Variants in KCNJ3 observed in about 807,000 individuals in gnomAD.
KCNJ3 encodes potassium inwardly rectifying channel subfamily J member 3, also known as G protein-activated inward rectifier potassium channel 1.
Under a neutral mutation model 39.2 loss-of-function variants are expected in KCNJ3, and 4 were observed. The ratio of observed to expected loss-of-function variants is 0.10; its 90% CI spans 0.05 to 0.23. The LOEUF is 0.23. KCNJ3 is among the 10% of genes least tolerant of loss of function. The pLI, the probability that KCNJ3 is intolerant of heterozygous loss-of-function variation, is 1.00. For synonymous variants in KCNJ3, 230 were observed against 237.4 expected, an observed-to-expected ratio of 0.97 and a Z score of 0.29; for missense variants, 276 against 634.9, an observed-to-expected ratio of 0.43 and a Z score of 6.08.
intron 1 of KCNJ3, among the ~76,000 whole-genome samples, chr2:154,705,507 T>C (rs1053400235): frequency 6.6e-5 from 10 of 152,166 alleles, no homozygotes; most frequent in Non-Finnish European, 8.8e-5. Flanking sequence ...GATTATCTTA[T>C]AGGCCTCTTT....
chr2:154,807,318 C>G (rs1294712047), intron 2 of KCNJ3, among the ~76,000 whole-genome samples: 1 of 152,134 alleles, frequency 6.6e-6, no homozygotes, highest in African/African-American at 2.4e-5. Context: ...CTAGCATTCA[C>G]AGAAATAGTA....
chr2:154,841,428 A>T (rs567199028), intron 2 of KCNJ3, among the ~76,000 whole-genome samples: 3 of 152,220 alleles, frequency 2.0e-5, no homozygotes, highest in Non-Finnish European at 4.4e-5. Flanking sequence ...CTTTGGTATC[A>T]GGATGATGTT....
At chr2:154,824,847 G>T (rs1056185840) in intron 2 of KCNJ3, among the ~76,000 whole-genome samples, 2 of 152,138 alleles carry the variant, frequency 1.3e-5, no homozygotes, top group East Asian at 3.9e-4. Flanking sequence ...AACTTACCTT[G>T]CAGGGGTGCA....
In KCNJ3 at chr2:154,726,830, CA is replaced by C. The variant is rs1558857546; in HGVS notation, c.919+17012del. Among the ~76,000 whole-genome samples the C allele has an allele frequency of 6.1e-3, 878 of 143,816 alleles. 3 individuals are homozygous for C. Among genetic ancestry groups the C allele is most frequent in the Middle Eastern group, 0.022 (6 of 272 alleles). 94.3% of individuals were successfully genotyped at this position (143,816 alleles called of 152,430 possible). On this transcript the variant is annotated intron_variant, in intron 2 of 2. Coordinates refer to ENST00000295101, the MANE Select transcript of KCNJ3 (RefSeq NM_002239.4). Reference sequence around the variant, plus strand: ...ACACACACACACACACACACACACACACACATACACCATGGAATACTACTCA... The same window carrying C: ...ACACACACACACACACACACACACACCACATACACCATGGAATACTACTCA...
intron 2 of KCNJ3, among the ~76,000 whole-genome samples, chr2:154,755,664 T>C (rs1351929805): frequency 6.6e-6 from 1 of 151,642 alleles, no homozygotes; most frequent in Non-Finnish European, 1.5e-5. Flanking sequence ...CTTATTCACA[T>C]TGTTTTTACA....
chr2:154,833,448 T>TC (rs1171531532), intron 2 of KCNJ3, among the ~76,000 whole-genome samples: 1 of 152,116 alleles, frequency 6.6e-6, no homozygotes, highest in Non-Finnish European at 1.5e-5. Flanking sequence ...CCATGCATGT[T>TC]CCCCCCAGCC....
chr2:154,741,210 T>G (rs2105174943), intron 2 of KCNJ3, among the ~76,000 whole-genome samples: 1 of 152,038 alleles, frequency 6.6e-6, no homozygotes, highest in Middle Eastern at 3.4e-3. Flanking sequence ...TAAGAAAGAT[T>G]AAGTAACTTA....
intron 2 of KCNJ3, among the ~76,000 whole-genome samples, chr2:154,844,623 G>A (rs1038583742): frequency 1.1e-4 from 17 of 152,282 alleles, no homozygotes; most frequent in South Asian, 4.1e-4. Context: ...CTTCCCGGTC[G>A]CTTTGTTTAT....
intron 2 of KCNJ3, among the ~76,000 whole-genome samples, chr2:154,830,557 G>T (rs1687345485): frequency 6.6e-6 from 1 of 152,128 alleles, no homozygotes; most frequent in African/African-American, 2.4e-5. Flanking sequence ...AGTTGGCTGA[G>T]ACCCAGCCAG....
At chr2:154,739,789 A>G (rs1209089078) in intron 2 of KCNJ3, among the ~76,000 whole-genome samples, 1 of 152,048 alleles carries the variant, frequency 6.6e-6, no homozygotes, top group African/African-American at 2.4e-5. Flanking sequence ...ACAGAAGAGT[A>G]CTCAGGCTAA....
intron 2 of KCNJ3, among the ~76,000 whole-genome samples, chr2:154,809,894 AT>A (rs1686978345): frequency 6.8e-6 from 1 of 146,746 alleles, no homozygotes; most frequent in Non-Finnish European, 1.5e-5. Flanking sequence ...AATATTATAT[AT>A]ATATATATAT....
rs373133088 is a variant in KCNJ3 at position 154,756,199 on chromosome 2, C to G, written c.919+46380C>G. 3.0e-3 allele frequency among the ~76,000 whole-genome samples: 449 copies of G among 152,166 alleles called. 3 individuals are homozygous for G. The highest frequency in any genetic ancestry group is 0.01 in the African/African-American group (427 of 41,510). ...CTACAGAACTTGATACCAGTATCAA[C>G]TAGAGTTAACCATTACCTATCTAGA... On this transcript the variant is annotated intron_variant, in intron 2 of 2. Coordinates refer to ENST00000295101, the MANE Select transcript of KCNJ3 (RefSeq NM_002239.4).
At chr2:154,772,439 A>C (rs1328137094) in intron 2 of KCNJ3, among the ~76,000 whole-genome samples, 1 of 152,264 alleles carries the variant, frequency 6.6e-6, no homozygotes, top group Non-Finnish European at 1.5e-5. Context: ...ACTTTGGAAT[A>C]TATGAAAATC....
chr2:154,788,055 A>G (rs1014346713), intron 2 of KCNJ3, among the ~76,000 whole-genome samples: 3 of 152,146 alleles, frequency 2.0e-5, no homozygotes, highest in Non-Finnish European at 4.4e-5. Flanking sequence ...GGAACAGCTG[A>G]TATTTCTATA....
At chr2:154,729,268 G>T (rs1685413147) in intron 2 of KCNJ3, among the ~76,000 whole-genome samples, 1 of 152,112 alleles carries the variant, frequency 6.6e-6, no homozygotes, top group Admixed American at 6.6e-5. Context: ...ATGCCATTTT[G>T]GGAGGATCAC....
chr2:154,754,086 A>G (rs1272935855), intron 2 of KCNJ3, among the ~76,000 whole-genome samples: 1 of 152,196 alleles, frequency 6.6e-6, no homozygotes, highest in Non-Finnish European at 1.5e-5. Flanking sequence ...TTACAGGACA[A>G]TTGCCAAGAT....
At chr2:154,741,291 T>C (rs900544535) in intron 2 of KCNJ3, among the ~76,000 whole-genome samples, 2 of 151,984 alleles carry the variant, frequency 1.3e-5, no homozygotes, top group African/African-American at 4.8e-5. Context: ...CAGACCACAT[T>C]CTGATAACTG....
chr2:154,846,248 A>G (rs1687661045), intron 2 of KCNJ3, among the ~76,000 whole-genome samples: 1 of 152,156 alleles, frequency 6.6e-6, no homozygotes, highest in Non-Finnish European at 1.5e-5. Flanking sequence ...AGTCTGTATC[A>G]AATTGCCAGA....
intron 2 of KCNJ3, among the ~76,000 whole-genome samples, chr2:154,762,752 G>A (rs1686067196): frequency 6.6e-6 from 1 of 152,120 alleles, no homozygotes; most frequent in Non-Finnish European, 1.5e-5. Context: ...ACTGGAAAGA[G>A]GAAAACAAAT....
Sources: allele counts gnomAD v4.1 joint callset (sites outside exome capture counted in the v4.1 genomes callset), GRCh38; gene constraint gnomAD v4.1.1; transcripts MANE v1.5; gene names NCBI Gene and HGNC (gene_info 2026-07-23, HGNC 2026-07-21).